CHD6: variants seen among roughly 807,000 people sequenced by gnomAD.
The protein encoded by CHD6 is chromodomain helicase DNA binding protein 6, also known as ATP-dependent chromatin remodeler CHD6.
CHD6 carries 50 observed loss-of-function variants against 276.9 expected under a neutral mutation model. The ratio of observed to expected loss-of-function variants is 0.18; its 90% CI spans 0.14 to 0.23. CHD6 has a LOEUF of 0.23. Ranked by LOEUF, CHD6 falls within the 10% of genes least tolerant of loss-of-function variation. The pLI is 1.00. For synonymous variants in CHD6, 1,173 were observed against 1,229.3 expected (o/e 0.95, Z 0.96); for missense variants, 2,564 against 3,365.8 (o/e 0.76, Z 5.89).
intron 31 of CHD6, among the ~76,000 whole-genome samples, chr20:41,419,764 T>G (rs1383702131): frequency 6.6e-6 from 1 of 152,000 alleles, no homozygotes; most frequent in Non-Finnish European, 1.5e-5. Context: ...TTCTTGGATC[T>G]GAAAAAAATT....
chr20:41,524,539 T>C (rs1257443259), intron 3 of CHD6, among the ~76,000 whole-genome samples: 1 of 152,132 alleles, frequency 6.6e-6, no homozygotes, highest in Non-Finnish European at 1.5e-5. Flanking sequence ...AAATAAAAAT[T>C]CAGAAAGTAT....
chr20:41,418,514 T>C (rs551271285), intron 31 of CHD6, among the ~76,000 whole-genome samples: 3 of 152,046 alleles, frequency 2.0e-5, no homozygotes, highest in South Asian at 2.1e-4. Flanking sequence ...TAGGCCAGAA[T>C]AGAAAATTTA....
Position 41,421,242 on chromosome 20 carries a change from C to A in CHD6, c.5393G>T (p.Arg1798Ile), listed in dbSNP as rs141056848. The A allele has an allele frequency of 3.0e-5, 48 of 1,613,952 alleles. No individual in the cohort carries two copies. In the Admixed American group the frequency reaches 6.0e-4, roughly 20 times the overall value. ...TTCCAGCTGGCCAATGTTTTCAGGT[C>A]TCTGTCCTGCCTCACTGCAGCAGAG... ...GELCCSEAGQ[R>I]PENIGQLEAK... is the part of the protein sequence containing the mutation. Residue 1798 changes from arginine (R) to isoleucine (I), a missense_variant, in exon 31 of 37, where the codon AGA becomes ATA. Physicochemically the swap from Arg to Ile is moderately conservative, Grantham distance 97 (BLOSUM62 -3). Transcript: ENST00000373233.
At chr20:41,418,273 G>C (rs2047067651) in intron 31 of CHD6, among the ~76,000 whole-genome samples, 1 of 152,152 alleles carries the variant, frequency 6.6e-6, no homozygotes, top group South Asian at 2.1e-4. Context: ...ATTATCAGCT[G>C]TGATAAGTAC....
rs1239247334 is a variant in CHD6, at chr20:41,452,034, G to A, written c.3324-9C>T. 38 of 1,611,436 alleles carry A rather than the reference G, an allele frequency of 2.4e-5. No homozygotes were observed. The Admixed American group carries it at 6.2e-4, about 26-fold the overall frequency. ...CCTTCCACCGGCCCCAGCTGACAGT[G>A]GACATACAGACAGGTGTTGGAGGGA... is the stretch of plus-strand genomic sequence containing the variant. On this transcript the variant is annotated splice_polypyrimidine_tract_variant and intron_variant, in intron 21 of 36. Coordinates refer to ENST00000373233, the MANE Select transcript of CHD6 (RefSeq NM_032221.5). The surrounding 1 kb of genome is among the most constrained non-coding windows in gnomAD (Gnocchi z 4.2).
At chr20:41,540,862 C>T (rs2146108411) in intron 2 of CHD6, among the ~76,000 whole-genome samples, 1 of 152,106 alleles carries the variant, frequency 6.6e-6, no homozygotes, top group East Asian at 1.9e-4. Flanking sequence ...AATGAAAATT[C>T]AAAGGAAGTG....
At chr20:41,589,622 A>G (rs555592386) in intron 1 of CHD6, among the ~76,000 whole-genome samples, 1 of 152,202 alleles carries the variant, frequency 6.6e-6, no homozygotes, top group Non-Finnish European at 1.5e-5. Context: ...TTCACAATTG[A>G]TTCAAACAGA....
chr20:41,483,966 A>G (rs968412455), intron 15 of CHD6, among the ~76,000 whole-genome samples: 5 of 152,226 alleles, frequency 3.3e-5, no homozygotes, highest in African/African-American at 1.2e-4. Context: ...GTCTACAGAG[A>G]GTTTTAATCT....
chr20:41,452,778 C>A lies in CHD6; in HGVS notation c.3285G>T (p.Ala1095=). The A allele has an allele frequency of 3.7e-6, 6 of 1,613,316 alleles. No individual in the cohort carries two copies. Among genetic ancestry groups the A allele is most frequent in the Non-Finnish European group, 5.1e-6 (6 of 1,179,900 alleles). Residue 1095 remains alanine (A), a synonymous_variant, in exon 21 of 37, where the codon GCG becomes GCT. Coordinates refer to ENST00000373233, the MANE Select transcript of CHD6 (RefSeq NM_032221.5). This position sits in a 1 kb window ranked among gnomAD's most constrained non-coding sequence, Gnocchi z 4.2. The part of the protein sequence containing the change: ...LNDKARRYLR[A]ECFRVEKNLL... ...GGTTCTTCTCTACCCGGAAGCACTCCGCTCGGAGGTAGCGCCTGGCTTTGT... is the reference window on the plus strand; with the variant it reads ...GGTTCTTCTCTACCCGGAAGCACTCAGCTCGGAGGTAGCGCCTGGCTTTGT...
intron 17 of CHD6, among the ~76,000 whole-genome samples, chr20:41,457,865 T>C (rs148571898): frequency 5.3e-5 from 8 of 152,346 alleles, no homozygotes; most frequent in Non-Finnish European, 8.8e-5. Context: ...TAATGACCTC[T>C]TACGGACAAT....
chr20:41,541,545 C>A (rs1222836264), intron 2 of CHD6, among the ~76,000 whole-genome samples: 1 of 152,112 alleles, frequency 6.6e-6, no homozygotes, highest in Admixed American at 6.5e-5. Context: ...AAAACAGGAC[C>A]AAATCCTGAC....
At chr20:41,549,324 T>C (rs1287941773) in intron 2 of CHD6, among the ~76,000 whole-genome samples, 122 of 150,838 alleles carry the variant, frequency 8.1e-4, no homozygotes, top group African/African-American at 2.8e-3. Flanking sequence ...TAAAAAATGA[T>C]GAGTTCATGT....
At chr20:41,547,762 G>A (rs1409919145) in intron 2 of CHD6, 6 of 536,798 alleles carry the variant, frequency 1.1e-5, no homozygotes, top group East Asian at 5.0e-5. Context: ...AACACTGCTC[G>A]ACAGATGCAG....
At position 41,537,258 on chromosome 20, in the gene CHD6, GGA is replaced by G. The variant is rs370987677; in HGVS notation, c.34-3690_34-3689del. On this transcript the variant is annotated intron_variant, in intron 2 of 36. Coordinates refer to ENST00000373233, the MANE Select transcript of CHD6 (RefSeq NM_032221.5). ...CTAAATCCATGGGTTCTGCATCTAT[GGA>G]GTCAACCGAGGATTGAAAATATTTG... Among the ~76,000 whole-genome samples the G allele has an allele frequency of 6.4e-3, 969 of 152,090 alleles. 11 individuals carry two copies. Among genetic ancestry groups the G allele is most frequent in the Middle Eastern group, 0.024 (7 of 294 alleles).
intron 1 of CHD6, among the ~76,000 whole-genome samples, chr20:41,608,916 G>A (rs1253081700): frequency 1.3e-5 from 2 of 152,216 alleles, no homozygotes; most frequent in African/African-American, 4.8e-5. Flanking sequence ...ATGAAATGCT[G>A]CAGACACAAA....
chr20:41,423,901 G>A (rs1458414837), intron 29 of CHD6, among the ~76,000 whole-genome samples: 2 of 152,086 alleles, frequency 1.3e-5, no homozygotes, highest in Admixed American at 6.5e-5. Context: ...CTCCCAAAGA[G>A]GTAATCACTT....
rs558215304 is a variant in CHD6, at chr20:41,600,930, T to C, written c.-24+17410A>G. On this transcript the variant is annotated intron_variant, in intron 1 of 36. Transcript: ENST00000373233. The stretch of plus-strand genomic sequence containing the variant: ...CCAGCCCCACTGTTGAGGCATAGGA[T>C]CCCAATGGCATTTCAAGTCACTAGG... Among the ~76,000 whole-genome samples the C allele has an allele frequency of 8.1e-4, 124 of 152,264 alleles. 1 individual carries two copies. Among genetic ancestry groups the C allele is most frequent in the African/African-American group, 2.7e-3 (114 of 41,516 alleles).
intron 1 of CHD6, among the ~76,000 whole-genome samples, chr20:41,586,915 T>C (rs2045601644): frequency 6.6e-6 from 1 of 152,156 alleles, no homozygotes; most frequent in Non-Finnish European, 1.5e-5. Flanking sequence ...CACAAAGACA[T>C]CTAATTTCAT....
intron 20 of CHD6, among the ~76,000 whole-genome samples, chr20:41,453,227 C>A (rs530618176): frequency 3.9e-5 from 6 of 152,224 alleles, no homozygotes; most frequent in Admixed American, 2.0e-4. Context: ...GGCAAGGCCC[C>A]CCCCCAGTGA....
Sources: allele counts gnomAD v4.1 joint callset (sites outside exome capture counted in the v4.1 genomes callset), GRCh38; gene constraint gnomAD v4.1.1; non-coding constraint Gnocchi (gnomAD v3.1); transcripts MANE v1.5; gene names NCBI Gene and HGNC (gene_info 2026-07-23, HGNC 2026-07-21).